The following ST6GALNAC4 variants were observed in gnomAD, a reference collection of about 807,000 sequenced individuals.
The protein encoded by ST6GALNAC4 is ST6 N-acetylgalactosaminide alpha-2,6-sialyltransferase 4, also known as alpha-N-acetyl-neuraminyl-2,3-beta-galactosyl-1,3-N-acetyl-galactosaminide alpha-2,6-sialyltransferase.
ST6GALNAC4 carries 24 observed loss-of-function variants against 30.4 expected under a neutral mutation model. That is an observed-to-expected ratio of 0.79 (90% CI 0.57 to 1.11). The LOEUF is 1.11. Ranked by LOEUF, ST6GALNAC4 falls within the 50% of genes most tolerant of loss-of-function variation. The pLI is 0.00. For missense variants in ST6GALNAC4, 365 were observed against 430.1 expected (o/e 0.85, Z 1.34); for synonymous variants, 156 against 179.7 (o/e 0.87, Z 1.05).
chr9:127,916,426 G>C lies in ST6GALNAC4; in HGVS notation c.-7C>G, dbSNP rs759535489. 6.2e-7 allele frequency: 1 copy of C among 1,614,166 alleles called. No individual in the cohort carries two copies. The highest frequency in any genetic ancestry group is 8.5e-7 in the Non-Finnish European group (1 of 1,180,042). On this transcript the variant is annotated 5_prime_UTR_variant, in exon 2 of 6. Coordinates refer to ENST00000335791, the MANE Select transcript of ST6GALNAC4 (RefSeq NM_175039.4). ...CACTTACCGGAGCCTTCATGCTGTC[G>C]CTGTCCCTCAGTAGTCTAGGGGCTG...
intron 5 of ST6GALNAC4, among the ~76,000 whole-genome samples, chr9:127,909,372 A>G (rs1831019561): frequency 6.6e-6 from 1 of 151,362 alleles, no homozygotes; most frequent in Admixed American, 6.6e-5. Flanking sequence ...CTGGGCAACA[A>G]GAGCAAAACT....
rs1459702133 is a variant in ST6GALNAC4 at position 127,909,976 on chromosome 9, C to G, written c.694G>C (p.Gly232Arg). 5 of 1,613,504 alleles carry G rather than the reference C, an allele frequency of 3.1e-6. No individual in the cohort carries two copies. Among genetic ancestry groups the G allele is most frequent in the Non-Finnish European group, 4.2e-6 (5 of 1,179,952 alleles). ...LELCEEIVVY[G>R]MVSDSYCREK... ...CTGCAGTAGCTGTCGCTGACCATCC[C>G]ATAGACCACGATCTCCTCACACAGC... The change falls in exon 5 of 6, where the codon GGG becomes CGG. Residue 232 changes from glycine to arginine, a missense_variant. Physicochemically the swap from Gly to Arg is moderately radical, Grantham distance 125. Coordinates refer to ENST00000335791, the MANE Select transcript of ST6GALNAC4 (RefSeq NM_175039.4).
chr9:127,911,320 GCTGA>G (rs540852750), intron 4 of ST6GALNAC4, among the ~76,000 whole-genome samples: 179 of 152,322 alleles, frequency 1.2e-3, no homozygotes, highest in African/African-American at 4.1e-3. Flanking sequence ...TACACCAGAG[GCTGA>G]CTGTTCTATC....
At chr9:127,913,258 G>A (rs970451477) in intron 3 of ST6GALNAC4, among the ~76,000 whole-genome samples, 8 of 152,216 alleles carry the variant, frequency 5.3e-5, no homozygotes, top group Admixed American at 3.9e-4. Flanking sequence ...GCCTCTGTGC[G>A]CCTCAAGTCT....
chr9:127,913,241 G>T (rs1484611747), intron 3 of ST6GALNAC4, among the ~76,000 whole-genome samples: 3 of 152,230 alleles, frequency 2.0e-5, no homozygotes, highest in African/African-American at 7.2e-5. Context: ...CTGAAGCCAA[G>T]TCACCGGCCT....
At chr9:127,909,097 T>C (rs754776443) in intron 5 of ST6GALNAC4, among the ~76,000 whole-genome samples, 42 of 151,642 alleles carry the variant, frequency 2.8e-4, no homozygotes, top group Non-Finnish European at 4.9e-4. Context: ...TATTGAAATA[T>C]AATAATATAG....
intron 5 of ST6GALNAC4, among the ~76,000 whole-genome samples, chr9:127,909,338 A>T (rs12552745): frequency 1.3e-5 from 2 of 150,620 alleles, no homozygotes; most frequent in East Asian, 3.9e-4. Context: ...GCAGTGAGCC[A>T]AGATCGCGCC....
intron 4 of ST6GALNAC4, 95 bp downstream of exon 4, chr9:127,912,173 G>C: frequency 1.3e-6 from 2 of 1,483,242 alleles, no homozygotes; most frequent in South Asian, 2.7e-5. Flanking sequence ...CTGACCTCCC[G>C]GGCCTGACAG....
chr9:127,915,271 G>A (rs899335459), intron 2 of ST6GALNAC4, among the ~76,000 whole-genome samples: 8 of 152,124 alleles, frequency 5.3e-5, no homozygotes, highest in Non-Finnish European at 1.2e-4. Flanking sequence ...GTGAACTTAC[G>A]GGAGGGGGGC....
intron 3 of ST6GALNAC4, 48 bp from the exon 4 acceptor site, chr9:127,912,728 C>T (rs371259934): frequency 4.0e-6 from 6 of 1,481,658 alleles, no homozygotes; most frequent in Non-Finnish European, 5.4e-6. Flanking sequence ...GAACACGCAG[C>T]TTACACCCCC....
chr9:127,909,430 A>G, intron 5 of ST6GALNAC4, among the ~76,000 whole-genome samples: 1 of 151,404 alleles, frequency 6.6e-6, no homozygotes, highest in East Asian at 1.9e-4. Flanking sequence ...CAATGGTACA[A>G]AATCATACCA....
intron 4 of ST6GALNAC4, 191 bp from the exon 5 acceptor site, chr9:127,910,249 A>T: frequency 7.2e-7 from 1 of 1,392,074 alleles, no homozygotes; most frequent in Non-Finnish European, 9.3e-7. Context: ...AGAGCGGCAC[A>T]CAAACCCAGG....
At position 127,912,285 on chromosome 9, in the gene ST6GALNAC4, G is replaced by C. The variant is rs143884659; in HGVS notation, c.594C>G (p.Asp198Glu). The C allele has an allele frequency of 6.2e-7, 1 of 1,611,360 alleles. No individual in the cohort carries two copies. Among genetic ancestry groups the C allele is most frequent in the Non-Finnish European group, 8.5e-7 (1 of 1,178,458 alleles). The change falls in exon 4 of 6, where the codon GAC (aspartate) becomes GAG (glutamate). Residue 198 changes from aspartate to glutamate, a missense_variant. Transcript: ENST00000335791. Reference sequence around the variant, plus strand: ...AGGCTCACCGGTTCTTGCCCGTCTCGTCCTGGAAGATCTGGTCGCAGTAGG... The same window carrying C: ...AGGCTCACCGGTTCTTGCCCGTCTCCTCCTGGAAGATCTGGTCGCAGTAGG... ...MMAYCDQIFQ[D>E]ETGKNRRQSG...
At chr9:127,911,636 G>A (rs542757325) in intron 4 of ST6GALNAC4, among the ~76,000 whole-genome samples, 1 of 152,276 alleles carries the variant, frequency 6.6e-6, no homozygotes, top group East Asian at 1.9e-4. Flanking sequence ...ACAGGCATGC[G>A]CCACCACACC....
In ST6GALNAC4 at chr9:127,912,392, C is replaced by T. The variant is rs372596153; in HGVS notation, c.487G>A (p.Gly163Ser). Reference sequence around the variant, plus strand: ...TGCAGCAGCGTGCGGTAGGTGCGGCCGCCGAGCACCCGGTCCATGTGCCTG... The same window carrying T: ...TGCAGCAGCGTGCGGTAGGTGCGGCTGCCGAGCACCCGGTCCATGTGCCTG... Reference protein sequence around the residue: ...QGRHMDRVLGGRTYRTLLQLT... With the variant: ...QGRHMDRVLGSRTYRTLLQLT... The change falls in exon 4 of 6, where the codon GGC becomes AGC. Residue 163 changes from glycine (G) to serine (S), a missense_variant. Gly to Ser is a moderately conservative substitution (Grantham distance 56, BLOSUM62 0). Coordinates refer to ENST00000335791, the MANE Select transcript of ST6GALNAC4 (RefSeq NM_175039.4). 67 of 1,614,104 alleles carry T rather than the reference C, an allele frequency of 4.2e-5. No individual in the cohort carries two copies. The highest frequency in any genetic ancestry group is 1.7e-4 in the Middle Eastern group (1 of 6,060).
intron 5 of ST6GALNAC4, among the ~76,000 whole-genome samples, chr9:127,909,672 C>T (rs1831029340): frequency 6.6e-6 from 1 of 151,988 alleles, no homozygotes; most frequent in Non-Finnish European, 1.5e-5. Context: ...TGGTTCTTTT[C>T]TCTATTTTCC....
intron 3 of ST6GALNAC4, among the ~76,000 whole-genome samples, chr9:127,914,440 G>A (rs367789909): frequency 8.0e-6 from 1 of 125,148 alleles, no homozygotes; most frequent in Non-Finnish European, 1.6e-5. Flanking sequence ...GCTCAGAGCC[G>A]AGATCGCGCC....
rs191404439 is a variant in ST6GALNAC4, at chr9:127,909,249, C to T, written c.720-668G>A. Among the ~76,000 whole-genome samples the T allele has an allele frequency of 1.0e-3, 156 of 151,936 alleles. 2 individuals carry two copies. The highest frequency in any genetic ancestry group is 4.3e-3 in the East Asian group (22 of 5,164). ...CTAAAACTACAAAAAATTAGCTGGG[C>T]GTGGTGGCACGTGCCTGTAATCCCA... is the stretch of plus-strand genomic sequence containing the variant. On this transcript the variant is annotated intron_variant, in intron 5 of 5. Transcript: ENST00000335791.
chr9:127,908,173 A>C lies in ST6GALNAC4; in HGVS notation c.*219T>G. 2 of 192,228 alleles carry C rather than the reference A, an allele frequency of 1.0e-5. No homozygotes were observed. Among genetic ancestry groups the C allele is most frequent in the Admixed American group, 6.2e-5 (1 of 16,010 alleles). 11.9% of individuals were successfully genotyped at this position (192,228 alleles called of 1,614,324 possible). A position where few individuals can be genotyped will look rare whatever the true frequency, so the allele number is the denominator to read the frequency against. ...ATGCCGTGAATTACTCAGGGAGTGGAGGGGGGAGACACGGCTCCCCCCTCC... is the reference window on the plus strand; with the variant it reads ...ATGCCGTGAATTACTCAGGGAGTGGCGGGGGGAGACACGGCTCCCCCCTCC... On this transcript the variant is annotated 3_prime_UTR_variant, in exon 6 of 6. Coordinates refer to ENST00000335791, the MANE Select transcript of ST6GALNAC4 (RefSeq NM_175039.4).
Sources: allele counts gnomAD v4.1 joint callset (sites outside exome capture counted in the v4.1 genomes callset), GRCh38; gene constraint gnomAD v4.1.1; transcripts MANE v1.5; gene names NCBI Gene and HGNC (gene_info 2026-07-23, HGNC 2026-07-21).